The following CDHR3 variants were observed in gnomAD, a reference collection of about 807,000 sequenced individuals.
CDHR3 encodes cadherin related family member 3, also known as cadherin-related family member 3.
Under a neutral mutation model 86.6 loss-of-function variants are expected in CDHR3, and 79 were observed. The ratio of observed to expected loss-of-function variants is 0.91; its 90% CI spans 0.76 to 1.10. CDHR3 has a LOEUF of 1.10. Among genes scored for constraint, CDHR3 ranks in the 50% least tolerant of loss-of-function variants. The probability of loss-of-function intolerance (pLI) is 0.00; values close to 1 mark genes in which losing one functional copy is unlikely to be tolerated. For missense variants in CDHR3, 1,081 were observed against 1,077.6 expected (o/e 1.00, Z -0.04); for synonymous variants, 421 against 402.4 (o/e 1.05, Z -0.55).
intron 1 of CDHR3, among the ~76,000 whole-genome samples, chr7:105,964,806 G>A (rs144576045): frequency 1.3e-5 from 2 of 152,076 alleles, no homozygotes; most frequent in Non-Finnish European, 2.9e-5. Flanking sequence ...CTAATATTGA[G>A]CCCTCTTCTA....
chr7:105,964,149 G>A (rs1826489906), intron 1 of CDHR3, among the ~76,000 whole-genome samples: 1 of 152,098 alleles, frequency 6.6e-6, no homozygotes, highest in African/African-American at 2.4e-5. Flanking sequence ...TCCAAGAACA[G>A]GGTTCTAGAT....
chr7:105,977,196 C>G (rs1828960186), intron 2 of CDHR3, among the ~76,000 whole-genome samples: 1 of 152,128 alleles, frequency 6.6e-6, no homozygotes, highest in Non-Finnish European at 1.5e-5. Context: ...AGAGACCCAG[C>G]AAGTTTAAAT....
intron 3 of CDHR3, among the ~76,000 whole-genome samples, chr7:105,983,065 T>C (rs1830008320): frequency 6.6e-6 from 1 of 152,088 alleles, no homozygotes; most frequent in Admixed American, 6.6e-5. Context: ...TTTATTAAAA[T>C]TGTAACCCAA....
At position 106,003,989 on chromosome 7, in the gene CDHR3, CAAA is replaced by C. The variant is rs55815648; in HGVS notation, c.863-489_863-487del. On this transcript the variant is annotated intron_variant, in intron 7 of 18. Transcript: ENST00000317716. ...AGAAACTAAGGTAAACCAACCTAAC[CAAA>C]AAAAAAAAAAAAAAAAAAAGAAAGA... 3.6e-4 allele frequency among the ~76,000 whole-genome samples: 29 copies of C among 79,974 alleles called. 1 individual carries two copies. The highest frequency in any genetic ancestry group is 1.0e-3 in the African/African-American group (22 of 20,972). 52.5% of individuals were successfully genotyped at this position (79,974 alleles called of 152,430 possible).
At chr7:105,998,530 G>A (rs1011589262) in intron 6 of CDHR3, among the ~76,000 whole-genome samples, 1 of 152,072 alleles carries the variant, frequency 6.6e-6, no homozygotes, top group South Asian at 2.1e-4. Context: ...AGTGGCTCAC[G>A]CCTGTAATCC....
chr7:105,977,879 G>A (rs542402365), intron 2 of CDHR3, among the ~76,000 whole-genome samples: 19 of 152,328 alleles, frequency 1.2e-4, no homozygotes, highest in African/African-American at 3.4e-4. Flanking sequence ...GGTGGTGCAG[G>A]GGGTGGTGAG....
chr7:105,999,551 G>C (rs1243590829), intron 6 of CDHR3, among the ~76,000 whole-genome samples: 3 of 152,158 alleles, frequency 2.0e-5, no homozygotes, highest in Non-Finnish European at 2.9e-5. Flanking sequence ...TCCCCTAGTT[G>C]TGAAAATCAA....
In CDHR3 at chr7:106,004,617, C is replaced by T. The variant is rs749341687; in HGVS notation, c.982C>T (p.Arg328Cys). Reference protein sequence around the residue: ...KDRPYGGQENRIQITFIVEDV... With the variant: ...KDRPYGGQENCIQITFIVEDV... ...CAGACCATATGGGGGTCAGGAGAAT[C>T]GCATCCAGATAACCTTCATTGTGGA... The change falls in exon 8 of 19, where the codon CGC (arginine) becomes TGC (cysteine). Residue 328 changes from arginine to cysteine, a missense_variant. Physicochemically the swap from Arg to Cys is radical, Grantham distance 180. Coordinates refer to ENST00000317716, the MANE Select transcript of CDHR3 (RefSeq NM_152750.5). 5.0e-5 allele frequency: 80 copies of T among 1,613,874 alleles called. No homozygotes were observed. The highest frequency in any genetic ancestry group is 6.1e-5 in the Non-Finnish European group (72 of 1,179,888).
At chr7:106,025,856 A>G (rs577240974) in intron 15 of CDHR3, among the ~76,000 whole-genome samples, 35 of 152,292 alleles carry the variant, frequency 2.3e-4, no homozygotes, top group Middle Eastern at 3.4e-3. Flanking sequence ...TTTGAACTCT[A>G]TTCACAAATT....
Position 106,036,348 on chromosome 7 carries a change from CTA to C in CDHR3, c.*3653_*3654del, listed in dbSNP as rs1838922905. The C allele has an allele frequency of 6.6e-6, 1 of 152,184 alleles. No homozygotes were observed. The highest frequency in any genetic ancestry group is 1.5e-5 in the Non-Finnish European group (1 of 68,042). The allele number at this position is 152,184 out of a possible 1,614,324, so 9.4% of individuals were successfully genotyped here. A position where few individuals can be genotyped will look rare whatever the true frequency, so the allele number is the denominator to read the frequency against. ...GAGTGAACATTGAAGACAATGATTG[CTA>C]TTGAAACTTAGGATTTCTCATTTCA... On this transcript the variant is annotated 3_prime_UTR_variant, in exon 19 of 19. Transcript: ENST00000317716.
chr7:105,999,971 C>T (rs1283378218), intron 6 of CDHR3, among the ~76,000 whole-genome samples: 2 of 152,236 alleles, frequency 1.3e-5, no homozygotes, highest in African/African-American at 4.8e-5. Flanking sequence ...AAACATACTA[C>T]ATTAGCAACA....
chr7:105,999,731 C>G, intron 6 of CDHR3, among the ~76,000 whole-genome samples: 1 of 152,206 alleles, frequency 6.6e-6, no homozygotes, highest in East Asian at 1.9e-4. Flanking sequence ...ATCATCCTTC[C>G]GAAACATTAA....
At chr7:106,023,650 C>T (rs1348848528) in intron 14 of CDHR3, among the ~76,000 whole-genome samples, 1 of 152,200 alleles carries the variant, frequency 6.6e-6, no homozygotes, top group Non-Finnish European at 1.5e-5. Flanking sequence ...AGAGAACCCA[C>T]TATGGAGGTG....
intron 1 of CDHR3, among the ~76,000 whole-genome samples, chr7:105,973,488 T>A (rs928927491): frequency 2.0e-5 from 3 of 152,116 alleles, no homozygotes; most frequent in Admixed American, 6.5e-5. Flanking sequence ...AGCTTCTGCG[T>A]TTGCTTTCCA....
chr7:105,980,464 G>A (rs1449587494), intron 2 of CDHR3, among the ~76,000 whole-genome samples: 1 of 151,658 alleles, frequency 6.6e-6, no homozygotes, highest in African/African-American at 2.4e-5. Flanking sequence ...GGGTACATGT[G>A]CACAACGTGC....
At chr7:106,001,363 C>A in intron 6 of CDHR3, 99 bp from the exon 7 acceptor site, 1 of 1,318,220 alleles carries the variant, frequency 7.6e-7, no homozygotes, top group Non-Finnish European at 1.1e-6. Context: ...ACTTGAACAG[C>A]TCTGCACTAT....
At chr7:105,979,556 A>C (rs531814204) in intron 2 of CDHR3, among the ~76,000 whole-genome samples, 2 of 152,162 alleles carry the variant, frequency 1.3e-5, no homozygotes, top group Non-Finnish European at 2.9e-5. Flanking sequence ...TTCAGTTTCC[A>C]TAGTAGCTTG....
chr7:106,024,021 G>A (rs1269845497), intron 14 of CDHR3, among the ~76,000 whole-genome samples: 1 of 152,150 alleles, frequency 6.6e-6, no homozygotes, highest in Admixed American at 6.5e-5. Context: ...AACTTTCGTG[G>A]CTTATGCTGT....
Position 106,026,708 on chromosome 7 carries a change from C to T in CDHR3, c.2272+13C>T. ...ACAAAGAAAGGAGGTATGTACAGTACCTGTTTCCCTTGTCTGTTGTTTTTT... is the reference window on the plus strand; with the variant it reads ...ACAAAGAAAGGAGGTATGTACAGTATCTGTTTCCCTTGTCTGTTGTTTTTT... On this transcript the variant is annotated intron_variant, in intron 16 of 18. Coordinates refer to ENST00000317716, the MANE Select transcript of CDHR3 (RefSeq NM_152750.5). The T allele has an allele frequency of 4.3e-6, 7 of 1,613,686 alleles. No individual in the cohort carries two copies. The highest frequency in any genetic ancestry group is 1.1e-5 in the South Asian group (1 of 91,078).
Sources: allele counts gnomAD v4.1 joint callset (sites outside exome capture counted in the v4.1 genomes callset), GRCh38; gene constraint gnomAD v4.1.1; transcripts MANE v1.5; gene names NCBI Gene and HGNC (gene_info 2026-07-23, HGNC 2026-07-21).